The following HACL1 variants were observed in gnomAD, a reference collection of about 807,000 sequenced individuals.
HACL1 encodes the protein 2-hydroxyacyl-CoA lyase 1.
HACL1 carries 64 observed loss-of-function variants against 74.2 expected under a neutral mutation model. The observed-to-expected ratio is 0.86, with a 90% CI of 0.70 to 1.06. The LOEUF (loss-of-function observed/expected upper bound fraction) is 1.06. Ranked by LOEUF, HACL1 falls within the 50% of genes least tolerant of loss-of-function variation. The pLI is 0.00. For synonymous variants in HACL1, 230 were observed against 238.8 expected (o/e 0.96, Z 0.34); for missense variants, 728 against 719.7 (o/e 1.01, Z -0.13).
Position 15,583,003 on chromosome 3 carries a change from G to C in HACL1, c.555-14C>G, listed in dbSNP as rs754274944. 7.5e-7 allele frequency: 1 copy of C among 1,339,184 alleles called. No homozygotes were observed. The highest frequency in any genetic ancestry group is 1.5e-5 in the African/African-American group (1 of 68,280). The allele number at this position is 1,339,184 out of a possible 1,614,324, so 83.0% of individuals were successfully genotyped here. On this transcript the variant is annotated splice_polypyrimidine_tract_variant and intron_variant, in intron 7 of 16. Transcript: ENST00000321169. ...CGTTCCATGTACCTGGAAAAAAAGA[G>C]CCCTATTAATTAAAAGAGGCCAACT...
At chr3:15,586,085 C>G (rs2063789077) in intron 6 of HACL1, among the ~76,000 whole-genome samples, 2 of 152,088 alleles carry the variant, frequency 1.3e-5, no homozygotes, top group African/African-American at 4.8e-5. Flanking sequence ...CTGAAAAAAT[C>G]TGCAGTCAGA....
In HACL1 at chr3:15,596,388, T is replaced by C. The variant is rs1333585453; in HGVS notation, c.223A>G (p.Ser75Gly). 1.3e-6 allele frequency: 2 copies of C among 1,584,356 alleles called. No individual in the cohort carries two copies. The highest frequency in any genetic ancestry group is 3.3e-5 in the Admixed American group (2 of 59,976). ...GTGAAACAAATTTTAGTTTACCTGCTTGTCAGATATCCAATCGCGGAGGCA... is the reference window on the plus strand; with the variant it reads ...GTGAAACAAATTTTAGTTTACCTGCCTGTCAGATATCCAATCGCGGAGGCA... ...YAASAIGYLT[S>G]RPGVCLVVSG... Residue 75 changes from serine to glycine, a missense_variant, in exon 3 of 17, where the codon AGC becomes GGC. Transcript: ENST00000321169.
At chr3:15,583,215 C>G (rs144305997) in intron 7 of HACL1, among the ~76,000 whole-genome samples, 7 of 152,286 alleles carry the variant, frequency 4.6e-5, no homozygotes, top group African/African-American at 9.6e-5. Context: ...CATCAAGACA[C>G]TTCACCCTTA....
chr3:15,591,383 G>A (rs1425839479), intron 4 of HACL1, among the ~76,000 whole-genome samples: 3 of 151,820 alleles, frequency 2.0e-5, no homozygotes, highest in East Asian at 1.9e-4. Context: ...AGGCTTTATC[G>A]TACTTGACTG....
intron 12 of HACL1, among the ~76,000 whole-genome samples, chr3:15,570,436 T>C (rs912561878): frequency 3.3e-5 from 5 of 151,594 alleles, no homozygotes; most frequent in African/African-American, 4.8e-5. Context: ...TCTAAGACAA[T>C]TGATATATTA....
In HACL1 at chr3:15,601,189, C is replaced by CA; in HGVS notation, c.86dup (p.Glu30GlyfsTer31). 2 of 1,611,114 alleles carry CA rather than the reference C, an allele frequency of 1.2e-6. No individual in the cohort carries two copies. The highest frequency in any genetic ancestry group is 1.7e-6 in the Non-Finnish European group (2 of 1,177,258). On this transcript the variant is annotated frameshift_variant, in exon 2 of 17. Transcript: ENST00000321169. LOFTEE classifies it high-confidence loss of function. ...TGCCTACGATGCCAAATATGTACTC[C>CA]ACATCCTGAGGAACGAAGAACAGGG...
intron 9 of HACL1, among the ~76,000 whole-genome samples, chr3:15,578,940 C>T (rs532898541): frequency 6.6e-6 from 1 of 152,294 alleles, no homozygotes; most frequent in South Asian, 2.1e-4. Context: ...AAATAAATCC[C>T]TAATTCTGGG....
intron 3 of HACL1, among the ~76,000 whole-genome samples, chr3:15,594,135 C>A (rs530083880): frequency 6.6e-6 from 1 of 152,148 alleles, no homozygotes; most frequent in African/African-American, 2.4e-5. Context: ...AGGCTGAGCA[C>A]GGTGGCTGAC....
intron 2 of HACL1, among the ~76,000 whole-genome samples, chr3:15,598,313 G>A (rs1391186866): frequency 1.3e-5 from 2 of 152,128 alleles, no homozygotes; most frequent in Non-Finnish European, 2.9e-5. Context: ...GAGCCACCGC[G>A]CCTGGCCATA....
chr3:15,583,608 C>T (rs1385218428), intron 7 of HACL1, among the ~76,000 whole-genome samples: 1 of 151,832 alleles, frequency 6.6e-6, no homozygotes, highest in Non-Finnish European at 1.5e-5. Context: ...TCTCCAAAGT[C>T]CATGCTTTTA....
chr3:15,601,061 C>T, intron 2 of HACL1, 29 bp downstream of exon 2: 1 of 1,338,692 alleles, frequency 7.5e-7, no homozygotes, highest in Non-Finnish European at 1.1e-6. Flanking sequence ...TTCCCAGTAA[C>T]GCATTCAGCC....
At chr3:15,566,354 A>G (rs574487925) in intron 14 of HACL1, among the ~76,000 whole-genome samples, 8 of 152,202 alleles carry the variant, frequency 5.3e-5, no homozygotes, top group Non-Finnish European at 1.0e-4. Flanking sequence ...ACTGAGCATC[A>G]CCTCAGAATT....
intron 9 of HACL1, among the ~76,000 whole-genome samples, chr3:15,579,161 A>C (rs1304143342): frequency 6.6e-6 from 1 of 152,252 alleles, no homozygotes; most frequent in South Asian, 2.1e-4. Flanking sequence ...AGAGGATTTT[A>C]ATATGACCCA....
chr3:15,592,418 ACACACGTATGCATG>A (rs1394038217), intron 3 of HACL1, among the ~76,000 whole-genome samples: 2 of 148,992 alleles, frequency 1.3e-5, no homozygotes, highest in Admixed American at 6.7e-5. Context: ...ACACGTATAC[ACACACGTATGCATG>A]TAGACACACG....
At chr3:15,576,154 C>CA (rs1185744343) in intron 9 of HACL1, among the ~76,000 whole-genome samples, 5,076 of 59,350 alleles carry the variant, frequency 0.086, 194 homozygotes, top group East Asian at 0.12. Flanking sequence ...GACTCTGTCT[C>CA]AAAAAAAAAA....
At chr3:15,590,599 T>C (rs953517557) in intron 4 of HACL1, among the ~76,000 whole-genome samples, 2 of 152,198 alleles carry the variant, frequency 1.3e-5, no homozygotes, top group Non-Finnish European at 1.5e-5. Context: ...ATAGTTTATA[T>C]ATAAAGCAAA....
rs770308277 is a variant in HACL1, at chr3:15,567,997, T to C, written c.1256A>G (p.Asp419Gly). ...TCCCATTGTTCCGAAAGTACCAGCATCAAGCCTGTTGGAGAACAAAGTTAA... is the reference window on the plus strand; with the variant it reads ...TCCCATTGTTCCGAAAGTACCAGCACCAAGCCTGTTGGAGAACAAAGTTAA... ...LQNYLPRHRL[D>G]AGTFGTMGVG... is the part of the protein sequence containing the mutation. The change falls in exon 14 of 17, where the codon GAT becomes GGT. Residue 419 changes from aspartate to glycine, a missense_variant. Asp to Gly is a moderately conservative substitution (Grantham distance 94). Coordinates refer to ENST00000321169, the MANE Select transcript of HACL1 (RefSeq NM_012260.4). 4.3e-6 allele frequency: 7 copies of C among 1,614,104 alleles called. No homozygotes were observed. Among genetic ancestry groups the C allele is most frequent in the African/African-American group, 2.7e-5 (2 of 75,040 alleles).
At chr3:15,601,287 C>T (rs368223216) in intron 1 of HACL1, 93 bp from the exon 2 acceptor site, 2 of 1,574,294 alleles carry the variant, frequency 1.3e-6, no homozygotes, top group Admixed American at 1.7e-5. Flanking sequence ...GAAAACCCCC[C>T]GACCCCCATC....
intron 12 of HACL1, 44 bp downstream of exon 12, chr3:15,571,624 C>T: frequency 1.2e-6 from 1 of 854,688 alleles, no homozygotes; most frequent in Non-Finnish European, 2.0e-6. Context: ...GTAACTGAAT[C>T]ATGAGCCTGA....
Sources: gnomAD v4.1 joint callset for allele counts (sites outside exome capture counted in the v4.1 genomes callset) on GRCh38, gnomAD v4.1.1 for gene constraint, MANE v1.5 for transcripts, NCBI Gene and HGNC (gene_info 2026-07-23, HGNC 2026-07-21) for gene names.